Variants in PACRG observed in about 807,000 individuals in gnomAD.
The protein encoded by PACRG is parkin coregulated gene protein.
PACRG carries 29 observed loss-of-function variants against 29.7 expected under a neutral mutation model. The ratio of observed to expected loss-of-function variants is 0.98; its 90% confidence interval spans 0.73 to 1.33. The LOEUF (loss-of-function observed/expected upper bound fraction) is 1.33, where lower values mean the gene tolerates loss of function less well. Ranked by LOEUF, PACRG falls within the 40% of genes most tolerant of loss-of-function variation. The probability of loss-of-function intolerance (pLI) is 0.00; values close to 1 mark genes in which losing one functional copy is unlikely to be tolerated. For missense variants in PACRG, 279 were observed against 316.2 expected (o/e 0.88, Z 0.89); for synonymous variants, 116 against 118.7 (o/e 0.98, Z 0.15).
At chr6:163,271,397 A>G (rs938751645) in intron 4 of PACRG, among the ~76,000 whole-genome samples, 10 of 121,110 alleles carry the variant, frequency 8.3e-5, no homozygotes, top group African/African-American at 3.3e-4. Context: ...TAACCATCAC[A>G]GGTTTGAATG....
chr6:163,130,359 T>C (rs1000475836), intron 4 of PACRG, among the ~76,000 whole-genome samples: 6 of 152,202 alleles, frequency 3.9e-5, no homozygotes, highest in African/African-American at 1.4e-4. Flanking sequence ...GCTATTTCAC[T>C]TTATTTTTTC....
chr6:163,057,079 A>C (rs1810656120), intron 2 of PACRG, among the ~76,000 whole-genome samples: 1 of 152,206 alleles, frequency 6.6e-6, no homozygotes, highest in Non-Finnish European at 1.5e-5. Context: ...CAAGGATTAC[A>C]GTCAAAAGAG....
intron 2 of PACRG, among the ~76,000 whole-genome samples, chr6:162,882,629 A>T (rs1433735536): frequency 6.6e-6 from 1 of 152,174 alleles, no homozygotes; most frequent in East Asian, 1.9e-4. Context: ...GACCCTGAGG[A>T]GTAGGCAAGC....
chr6:162,794,312 CTTG>C (rs1216507530), intron 1 of PACRG, among the ~76,000 whole-genome samples: 1 of 151,842 alleles, frequency 6.6e-6, no homozygotes, highest in African/African-American at 2.4e-5. Flanking sequence ...GTTTCTTTTT[CTTG>C]TTGATCTGTT....
Position 162,990,201 on chromosome 6 carries a change from G to A in PACRG, c.292-71949G>A, listed in dbSNP as rs535994757. On this transcript the variant is annotated intron_variant, in intron 2 of 4. Coordinates refer to ENST00000366888, the MANE Select transcript of PACRG (RefSeq NM_001080379.2). Reference sequence around the variant, plus strand: ...GTGAATAATGCTGCAATAAACATACGTGTGCATGTGTCTTTATAGCAGCAT... The same window carrying A: ...GTGAATAATGCTGCAATAAACATACATGTGCATGTGTCTTTATAGCAGCAT... 3.3e-3 allele frequency among the ~76,000 whole-genome samples: 497 copies of A among 151,208 alleles called. 1 individual carries two copies. The highest frequency in any genetic ancestry group is 5.0e-3 in the Non-Finnish European group (339 of 67,642).
intron 2 of PACRG, among the ~76,000 whole-genome samples, chr6:162,866,212 C>T (rs1792285615): frequency 2.0e-5 from 3 of 152,064 alleles, no homozygotes; most frequent in South Asian, 4.1e-4. Context: ...ATGAAAAATA[C>T]TTGTGGGAGA....
intron 3 of PACRG, among the ~76,000 whole-genome samples, chr6:163,062,602 A>C (rs768432038): frequency 6.6e-6 from 1 of 152,222 alleles, no homozygotes; most frequent in Non-Finnish European, 1.5e-5. Flanking sequence ...TAACTTACGC[A>C]TCCAGAGGTC....
intron 1 of PACRG, among the ~76,000 whole-genome samples, chr6:162,751,493 A>G (rs1781511740): frequency 6.6e-6 from 1 of 152,056 alleles, no homozygotes; most frequent in South Asian, 2.1e-4. Context: ...TTTTTTTGTA[A>G]GACATGATAA....
At chr6:162,972,478 C>T (rs1056137423) in intron 2 of PACRG, among the ~76,000 whole-genome samples, 1 of 152,288 alleles carries the variant, frequency 6.6e-6, no homozygotes, top group East Asian at 1.9e-4. Context: ...GCAGTGCCCT[C>T]TCTATTAAGA....
chr6:163,214,993 C>T (rs1021473746), intron 4 of PACRG, among the ~76,000 whole-genome samples: 17 of 152,172 alleles, frequency 1.1e-4, no homozygotes, highest in African/African-American at 3.1e-4. Context: ...TCTTCTCCTA[C>T]CTTCTATGTA....
chr6:162,747,365 C>CAA (rs1245333854), intron 1 of PACRG, among the ~76,000 whole-genome samples: 1 of 44,654 alleles, frequency 2.2e-5, no homozygotes, highest in Non-Finnish European at 4.0e-5. Flanking sequence ...TATATATATA[C>CAA]ACATACATAT....
At chr6:163,158,745 C>T (rs1386269464) in intron 4 of PACRG, among the ~76,000 whole-genome samples, 1 of 152,336 alleles carries the variant, frequency 6.6e-6, no homozygotes, top group Admixed American at 6.5e-5. Flanking sequence ...ATATTGCACA[C>T]TGACGTGCCA....
intron 4 of PACRG, among the ~76,000 whole-genome samples, chr6:163,109,888 A>G (rs1815612906): frequency 6.6e-6 from 1 of 152,234 alleles, no homozygotes; most frequent in African/African-American, 2.4e-5. Context: ...ACTCAAGTAT[A>G]TAACTGGTTC....
chr6:163,216,701 C>T (rs927083950), intron 4 of PACRG, among the ~76,000 whole-genome samples: 4 of 152,270 alleles, frequency 2.6e-5, no homozygotes, highest in South Asian at 4.2e-4. Context: ...GTACACACAA[C>T]GCAGAGATAC....
In PACRG at chr6:163,300,136, C is replaced by A. The variant is rs192166022; in HGVS notation, c.614-14691C>A. On this transcript the variant is annotated intron_variant, in intron 4 of 4. Coordinates refer to ENST00000366888, the MANE Select transcript of PACRG (RefSeq NM_001080379.2). ...TTGAGCCCTTTACCCAGGTCTCCAT[C>A]AACCTCTGGAGGTTTACATTGTCCA... is the stretch of plus-strand genomic sequence containing the variant. Among the ~76,000 whole-genome samples, 53 of 152,360 alleles carry A rather than the reference C, an allele frequency of 3.5e-4. 1 individual carries two copies.
intron 1 of PACRG, among the ~76,000 whole-genome samples, chr6:162,807,466 A>C (rs1235258267): frequency 6.6e-6 from 1 of 152,098 alleles, no homozygotes; most frequent in Admixed American, 6.6e-5. Context: ...AGCCATGTAG[A>C]GTTATTAATT....
At chr6:163,090,314 T>A (rs1181567431) in intron 4 of PACRG, 1 of 152,228 alleles carries the variant, frequency 6.6e-6, no homozygotes, top group African/African-American at 2.4e-5. Flanking sequence ...CAGGAAATCA[T>A]GGAATTCTCA....
intron 2 of PACRG, among the ~76,000 whole-genome samples, chr6:162,956,882 C>G (rs1439966076): frequency 2.6e-5 from 4 of 152,146 alleles, no homozygotes; most frequent in Non-Finnish European, 5.9e-5. Flanking sequence ...GGGAGGGACA[C>G]AGTGTAACCT....
intron 4 of PACRG, among the ~76,000 whole-genome samples, chr6:163,270,905 G>A (rs1360868156): frequency 6.6e-6 from 1 of 152,058 alleles, no homozygotes; most frequent in Non-Finnish European, 1.5e-5. Context: ...TTCTCTAGAG[G>A]GACAGAACTA....
Sources: allele counts gnomAD v4.1 joint callset (sites outside exome capture counted in the v4.1 genomes callset), GRCh38; gene constraint gnomAD v4.1.1; transcripts MANE v1.5; gene names NCBI Gene and HGNC (gene_info 2026-07-23, HGNC 2026-07-21).